The following THSD7B variants were observed in gnomAD, a reference collection of about 807,000 sequenced individuals.
THSD7B encodes the protein thrombospondin type-1 domain-containing protein 7B.
A neutral mutation model predicts 213.6 loss-of-function variants in THSD7B; 138 were observed. The ratio of observed to expected loss-of-function variants is 0.65; its 90% CI spans 0.56 to 0.74. The LOEUF is 0.74. Among genes scored for constraint, THSD7B ranks in the 30% least tolerant of loss-of-function variants. The pLI is 0.00. For synonymous variants in THSD7B, 742 were observed against 687.0 expected (o/e 1.08, Z -1.25); for missense variants, 1,931 against 1,991.5 (o/e 0.97, Z 0.58).
At chr2:137,421,981 G>GA (rs1686939454) in intron 14 of THSD7B, among the ~76,000 whole-genome samples, 1 of 152,188 alleles carries the variant, frequency 6.6e-6, no homozygotes, top group Non-Finnish European at 1.5e-5. Flanking sequence ...AATAAAACCT[G>GA]AAAATCTTTG....
At chr2:136,790,508 TACA>T (rs1045837454) in intron 1 of THSD7B, among the ~76,000 whole-genome samples, 5 of 152,140 alleles carry the variant, frequency 3.3e-5, no homozygotes, top group South Asian at 4.1e-4. Flanking sequence ...TGCAAATTTC[TACA>T]ACATTTACAA....
chr2:137,429,663 G>A (rs999876663), intron 14 of THSD7B, among the ~76,000 whole-genome samples: 7 of 152,278 alleles, frequency 4.6e-5, no homozygotes, highest in South Asian at 4.1e-4. Flanking sequence ...TATAAACAGC[G>A]TCTCAGAATA....
intron 4 of THSD7B, among the ~76,000 whole-genome samples, chr2:137,107,015 A>G (rs1171478442): frequency 6.6e-6 from 1 of 152,208 alleles, no homozygotes; most frequent in Non-Finnish European, 1.5e-5. Flanking sequence ...AGGAAATACC[A>G]TTTGACCCAG....
intron 15 of THSD7B, among the ~76,000 whole-genome samples, chr2:137,542,579 A>T (rs1233574842): frequency 2.0e-5 from 3 of 151,728 alleles, no homozygotes; most frequent in Middle Eastern, 3.2e-3. Flanking sequence ...ACCTAGCAAT[A>T]ACACAATATA....
intron 3 of THSD7B, among the ~76,000 whole-genome samples, chr2:137,084,657 T>A (rs1409411997): frequency 1.3e-5 from 2 of 152,176 alleles, no homozygotes; most frequent in African/African-American, 4.8e-5. Flanking sequence ...CTTTCCTTTT[T>A]AAGGGTGAAC....
At chr2:137,140,066 A>G (rs1224062366) in intron 5 of THSD7B, among the ~76,000 whole-genome samples, 3 of 151,360 alleles carry the variant, frequency 2.0e-5, no homozygotes, top group African/African-American at 7.4e-5. Context: ...TGAATGTTGA[A>G]TGTTGCCTGT....
chr2:136,913,430 G>A (rs1256406501), intron 2 of THSD7B, among the ~76,000 whole-genome samples: 2 of 152,214 alleles, frequency 1.3e-5, no homozygotes, highest in Non-Finnish European at 2.9e-5. Context: ...GAAACTTAAC[G>A]TAAGTAGCAA....
chr2:136,967,023 G>T (rs139324764), intron 2 of THSD7B, among the ~76,000 whole-genome samples: 8 of 152,166 alleles, frequency 5.3e-5, no homozygotes, highest in African/African-American at 1.9e-4. Context: ...GATATGCCGT[G>T]TATCTTCAGC....
At chr2:137,343,081 T>G (rs1397240677) in intron 12 of THSD7B, among the ~76,000 whole-genome samples, 2 of 151,722 alleles carry the variant, frequency 1.3e-5, no homozygotes, top group Non-Finnish European at 2.9e-5. Context: ...GTTTTTTTTT[T>G]TTGTTTTTTG....
At chr2:137,464,816 C>T (rs1296713122) in intron 15 of THSD7B, among the ~76,000 whole-genome samples, 2 of 151,726 alleles carry the variant, frequency 1.3e-5, no homozygotes, top group Admixed American at 6.6e-5. Flanking sequence ...ATGTTGAAAC[C>T]AGAAGTAAAT....
intron 3 of THSD7B, among the ~76,000 whole-genome samples, chr2:137,090,719 C>T (rs778315304): frequency 1.4e-4 from 21 of 152,214 alleles, no homozygotes; most frequent in Admixed American, 1.0e-3. Context: ...TGATTTTCTA[C>T]GAAAGGATCA....
chr2:136,862,772 C>T (rs556644527), intron 1 of THSD7B, among the ~76,000 whole-genome samples: 8 of 152,202 alleles, frequency 5.3e-5, no homozygotes, highest in Non-Finnish European at 1.0e-4. Context: ...TCTACTTCTT[C>T]CTCCTGAATA....
intron 2 of THSD7B, among the ~76,000 whole-genome samples, chr2:136,915,489 C>A (rs966376186): frequency 6.6e-6 from 1 of 152,194 alleles, no homozygotes; most frequent in Non-Finnish European, 1.5e-5. Flanking sequence ...CTCTGAACAA[C>A]TCATTACATT....
intron 15 of THSD7B, among the ~76,000 whole-genome samples, chr2:137,464,272 T>A (rs974958539): frequency 6.6e-6 from 1 of 152,102 alleles, no homozygotes. Context: ...CACAAGTGAC[T>A]TGAAAACTGC....
At chr2:137,238,512 C>T (rs375986293) in intron 9 of THSD7B, among the ~76,000 whole-genome samples, 25 of 142,624 alleles carry the variant, frequency 1.8e-4, no homozygotes, top group African/African-American at 6.2e-4. Context: ...AACACTATAT[C>T]CTGATAATGA....
chr2:136,806,789 G>C (rs989844561), intron 1 of THSD7B, among the ~76,000 whole-genome samples: 1 of 152,066 alleles, frequency 6.6e-6, no homozygotes, highest in African/African-American at 2.4e-5. Flanking sequence ...CTGTTCCAGG[G>C]TCCCACCCTG....
chr2:137,300,283 T>C (rs1215611057), intron 12 of THSD7B, among the ~76,000 whole-genome samples: 1 of 152,190 alleles, frequency 6.6e-6, no homozygotes, highest in East Asian at 1.9e-4. Context: ...ATTATAGCAA[T>C]ATTTTTTAAT....
intron 10 of THSD7B, among the ~76,000 whole-genome samples, chr2:137,249,157 A>T (rs1682111950): frequency 6.6e-6 from 1 of 152,182 alleles, no homozygotes; most frequent in South Asian, 2.1e-4. Context: ...TTCTGCTGAT[A>T]AAATTCATTA....
At chr2:137,328,493 C>T (rs577126669) in intron 12 of THSD7B, among the ~76,000 whole-genome samples, 46 of 151,940 alleles carry the variant, frequency 3.0e-4, no homozygotes, top group Admixed American at 9.8e-4. Flanking sequence ...CATTTTTTTT[C>T]TCAAAACATG....
Sources: gnomAD v4.1 joint callset for allele counts (sites outside exome capture counted in the v4.1 genomes callset) on GRCh38, gnomAD v4.1.1 for gene constraint, MANE v1.5 for transcripts, NCBI Gene and HGNC (gene_info 2026-07-23, HGNC 2026-07-21) for gene names.